MAF: variants seen among roughly 807,000 people sequenced by gnomAD.
The protein encoded by MAF is transcription factor Maf.
In MAF, 10 loss-of-function variants were observed where a neutral mutation model predicts 22.0. The observed-to-expected ratio is 0.45, with a 90% CI of 0.28 to 0.77. The LOEUF is 0.77. Ranked by LOEUF, MAF falls within the 30% of genes least tolerant of loss-of-function variation. MAF has a pLI of 0.12. For synonymous variants in MAF, 337 were observed against 255.8 expected (o/e 1.32, Z -3.03); for missense variants, 544 against 548.4 (o/e 0.99, Z 0.08).
the MAF span, among the ~76,000 whole-genome samples, chr16:79,478,510 T>G: frequency 6.6e-6 from 1 of 152,138 alleles, no homozygotes; most frequent in South Asian, 2.1e-4. Flanking sequence ...GGATAGGTCT[T>G]AGATGTGGCA....
the MAF span, among the ~76,000 whole-genome samples, chr16:79,320,022 C>A: frequency 6.6e-6 from 1 of 152,056 alleles, no homozygotes; most frequent in Non-Finnish European, 1.5e-5. Flanking sequence ...CATGGGTTAG[C>A]CCAGGAGTAT....
At chr16:79,245,090 G>T in the MAF span, among the ~76,000 whole-genome samples, 1 of 151,936 alleles carries the variant, frequency 6.6e-6, no homozygotes, top group Non-Finnish European at 1.5e-5. Flanking sequence ...AGACTTAAAT[G>T]TAAGACCTAA....
the MAF span, among the ~76,000 whole-genome samples, chr16:79,521,370 T>C: frequency 2.6e-5 from 4 of 152,224 alleles, no homozygotes; most frequent in Admixed American, 1.3e-4. Flanking sequence ...ATATAGCACA[T>C]TGATCTTTAA....
downstream of MAF, among the ~76,000 whole-genome samples, chr16:79,583,356 G>A (rs1176148973): frequency 2.0e-5 from 3 of 152,170 alleles, no homozygotes; most frequent in Admixed American, 1.3e-4. Context: ...TCTGCCGATT[G>A]TAAGACTAGA....
the MAF span, among the ~76,000 whole-genome samples, chr16:79,229,908 G>A: frequency 2.6e-5 from 4 of 151,698 alleles, no homozygotes; most frequent in African/African-American, 7.3e-5. Context: ...ATTTAACTTC[G>A]TTTTTATAGG....
chr16:79,396,783 G>T, the MAF span, among the ~76,000 whole-genome samples: 4 of 152,248 alleles, frequency 2.6e-5, no homozygotes, highest in African/African-American at 9.6e-5. Context: ...GTTCTGGGGT[G>T]CAACCCCAGT....
the MAF span, among the ~76,000 whole-genome samples, chr16:79,538,466 G>C: frequency 6.6e-6 from 1 of 152,128 alleles, no homozygotes; most frequent in Non-Finnish European, 1.5e-5. Flanking sequence ...AGAAAGTATG[G>C]GGGAAGAATT....
At chr16:79,400,515 T>A in the MAF span, among the ~76,000 whole-genome samples, 2 of 152,226 alleles carry the variant, frequency 1.3e-5, no homozygotes, top group South Asian at 2.1e-4. Flanking sequence ...GAGTTTATAC[T>A]TCTGGGGAGC....
In MAF at chr16:79,587,072, A is replaced by G. The variant is rs908025066; in HGVS notation, c.1119-1131T>C. Among the ~76,000 whole-genome samples the G allele has an allele frequency of 9.9e-5, 15 of 152,222 alleles. 1 individual carries two copies. Among genetic ancestry groups the G allele is most frequent in the Non-Finnish European group, 2.9e-5 (2 of 68,038 alleles). On this transcript the variant is annotated intron_variant, in intron 1 of 1. Coordinates refer to the MAF transcript ENST00000569649. ...TTCTTTACTTACATTTTCATTCCAC[A>G]TAACCCTCTAATTCCTTCAAATGCC... is the stretch of plus-strand genomic sequence containing the variant.
chr16:79,570,737 G>T, the MAF span, among the ~76,000 whole-genome samples: 1 of 152,184 alleles, frequency 6.6e-6, no homozygotes, highest in African/African-American at 2.4e-5. Context: ...CCAGTGTAAA[G>T]TCCCCAGATG....
chr16:79,404,463 G>A, the MAF span, among the ~76,000 whole-genome samples: 3 of 152,164 alleles, frequency 2.0e-5, no homozygotes, highest in South Asian at 6.2e-4. Flanking sequence ...GCGTGGCCTG[G>A]AATTATTTTT....
chr16:79,585,844 A>C (rs1000908021), exon 2 of MAF: 13 of 551,832 alleles, frequency 2.4e-5, no homozygotes, highest in African/African-American at 1.5e-4. Flanking sequence ...AAAAAAAAAA[A>C]ACTCAAGCAC....
chr16:79,552,560 G>A, the MAF span, among the ~76,000 whole-genome samples: 5 of 152,104 alleles, frequency 3.3e-5, no homozygotes, highest in Admixed American at 1.3e-4. Flanking sequence ...TTATCTTTTC[G>A]TAAGTCTCAT....
the MAF span, among the ~76,000 whole-genome samples, chr16:79,279,081 A>G: frequency 2.6e-5 from 4 of 152,204 alleles, no homozygotes; most frequent in African/African-American, 7.2e-5. Flanking sequence ...TCTCACCTCC[A>G]GCTGCTCCGG....
the MAF span, among the ~76,000 whole-genome samples, chr16:79,572,301 C>T: frequency 6.6e-6 from 1 of 152,076 alleles, no homozygotes; most frequent in Non-Finnish European, 1.5e-5. Flanking sequence ...CCTGCATCTG[C>T]GATTGATGTT....
At chr16:79,387,225 C>A in the MAF span, among the ~76,000 whole-genome samples, 7 of 152,188 alleles carry the variant, frequency 4.6e-5, no homozygotes, top group Non-Finnish European at 1.0e-4. Flanking sequence ...ATGAAGGGGG[C>A]CTGGGTGCTG....
the MAF span, among the ~76,000 whole-genome samples, chr16:79,385,570 G>T: frequency 3.3e-5 from 5 of 152,192 alleles, no homozygotes; most frequent in African/African-American, 1.2e-4. Context: ...TTTACACGTT[G>T]TGTTCTTAAT....
chr16:79,432,016 G>A, the MAF span, among the ~76,000 whole-genome samples: 1 of 151,638 alleles, frequency 6.6e-6, no homozygotes, highest in Non-Finnish European at 1.5e-5. Flanking sequence ...CAAACCCTAT[G>A]ATGTGGTTTG....
chr16:79,368,094 C>G, the MAF span, among the ~76,000 whole-genome samples: 4 of 152,170 alleles, frequency 2.6e-5, no homozygotes, highest in African/African-American at 9.7e-5. Flanking sequence ...CATGCTGCTC[C>G]CTGCTCTCCA....
Sources: allele counts gnomAD v4.1 joint callset (sites outside exome capture counted in the v4.1 genomes callset), GRCh38; gene constraint gnomAD v4.1.1; transcripts MANE v1.5; gene names NCBI Gene and HGNC (gene_info 2026-07-23, HGNC 2026-07-21).